The following SUGCT variants were observed in gnomAD, a reference collection of about 807,000 sequenced individuals.
SUGCT encodes the protein succinyl-CoA:glutarate CoA-transferase.
SUGCT carries 41 observed loss-of-function variants against 55.0 expected under a neutral mutation model. That is an observed-to-expected ratio of 0.74 (90% CI 0.58 to 0.97). The LOEUF is 0.97. Ranked by LOEUF, SUGCT falls within the 50% of genes least tolerant of loss-of-function variation. The pLI is 0.00. For synonymous variants in SUGCT, 187 were observed against 200.4 expected, an observed-to-expected ratio of 0.93 and a Z score of 0.56; for missense variants, 568 against 547.8, an observed-to-expected ratio of 1.04 and a Z score of -0.37.
chr7:40,271,083 GT>G (rs1217195002), intron 7 of SUGCT, among the ~76,000 whole-genome samples: 1 of 152,074 alleles, frequency 6.6e-6, no homozygotes. Context: ...AGTTCTAAGA[GT>G]TTTTTAGTGG....
the SUGCT span, among the ~76,000 whole-genome samples, chr7:41,013,915 A>G: frequency 2.0e-5 from 3 of 152,110 alleles, no homozygotes. Flanking sequence ...CAATTTGGGG[A>G]ACCATAACCC....
At chr7:40,598,996 T>G (rs1798161558) in intron 12 of SUGCT, among the ~76,000 whole-genome samples, 1 of 152,212 alleles carries the variant, frequency 6.6e-6, no homozygotes, top group Middle Eastern at 3.2e-3. Context: ...TAATGGTGGC[T>G]GAAGAGTTGG....
chr7:40,279,195 A>G (rs1010321120), intron 8 of SUGCT, among the ~76,000 whole-genome samples: 1 of 152,076 alleles, frequency 6.6e-6, no homozygotes, highest in Non-Finnish European at 1.5e-5. Flanking sequence ...TCAGAATCTT[A>G]CAGTAGTTCC....
intron 12 of SUGCT, among the ~76,000 whole-genome samples, chr7:40,687,054 C>T (rs1042600520): frequency 2.6e-5 from 4 of 152,052 alleles, no homozygotes; most frequent in African/African-American, 4.8e-5. Context: ...ATTTTTTTCC[C>T]ATCTTCTAAG....
chr7:40,188,016 T>A (rs955751271), intron 3 of SUGCT, among the ~76,000 whole-genome samples: 1 of 151,976 alleles, frequency 6.6e-6, no homozygotes, highest in African/African-American at 2.4e-5. Context: ...AATACAAAAA[T>A]TAGCCGGGCA....
At chr7:40,547,625 A>G (rs1795062460) in intron 12 of SUGCT, among the ~76,000 whole-genome samples, 1 of 152,200 alleles carries the variant, frequency 6.6e-6, no homozygotes, top group African/African-American at 2.4e-5. Flanking sequence ...GTAAATGCAT[A>G]CTATAAAAAT....
chr7:40,546,427 T>A (rs1212346101), intron 12 of SUGCT, among the ~76,000 whole-genome samples: 1 of 152,170 alleles, frequency 6.6e-6, no homozygotes, highest in Non-Finnish European at 1.5e-5. Context: ...ATAAAGTAAT[T>A]GATATTGTAA....
chr7:40,843,467 G>A (rs191554406), intron 13 of SUGCT, among the ~76,000 whole-genome samples: 35 of 141,470 alleles, frequency 2.5e-4, no homozygotes, highest in East Asian at 5.2e-4. Context: ...CTGAGATCAC[G>A]CCACTGCACT....
At chr7:40,470,672 G>C (rs1790355838) in intron 11 of SUGCT, among the ~76,000 whole-genome samples, 1 of 151,462 alleles carries the variant, frequency 6.6e-6, no homozygotes, top group Admixed American at 6.6e-5. Flanking sequence ...CGGAATAATT[G>C]CTTATTCTCC....
intron 9 of SUGCT, among the ~76,000 whole-genome samples, chr7:40,392,154 G>C (rs1785469160): frequency 6.6e-6 from 1 of 152,108 alleles, no homozygotes; most frequent in Non-Finnish European, 1.5e-5. Context: ...AGATGGGGGA[G>C]GGATAGAATT....
chr7:40,590,420 T>G (rs1409412242), intron 12 of SUGCT, among the ~76,000 whole-genome samples: 1 of 152,194 alleles, frequency 6.6e-6, no homozygotes, highest in African/African-American at 2.4e-5. Context: ...ACATAGGCCT[T>G]TTATGCCAAA....
chr7:40,832,135 CG>C (rs1348821453), intron 13 of SUGCT, among the ~76,000 whole-genome samples: 2 of 152,038 alleles, frequency 1.3e-5, no homozygotes, highest in Non-Finnish European at 2.9e-5. Context: ...TGTGTGCGTC[CG>C]GGTATCTCTG....
At chr7:40,660,870 C>T (rs943260561) in intron 12 of SUGCT, among the ~76,000 whole-genome samples, 1 of 152,170 alleles carries the variant, frequency 6.6e-6, no homozygotes, top group Non-Finnish European at 1.5e-5. Context: ...GTGCCCTCAC[C>T]TCTCTGTCTA....
intron 1 of SUGCT, among the ~76,000 whole-genome samples, chr7:40,178,550 G>GTT (rs34725239): frequency 6.8e-6 from 1 of 147,894 alleles, no homozygotes; most frequent in African/African-American, 2.5e-5. Flanking sequence ...AATTTTAAGG[G>GTT]TTTTTTTTTT....
chr7:40,448,244 C>T (rs554143571), intron 9 of SUGCT, among the ~76,000 whole-genome samples: 6 of 138,054 alleles, frequency 4.3e-5, no homozygotes, highest in African/African-American at 1.6e-4. Context: ...CTCCCTCCCT[C>T]CCTTCCTTCC....
chr7:40,153,686 C>CTACTTAAT (rs1224969898), intron 1 of SUGCT: 6 of 509,628 alleles, frequency 1.2e-5, no homozygotes, highest in Non-Finnish European at 2.0e-5. Flanking sequence ...AATGTTTTCA[C>CTACTTAAT]GTTATATTCT....
intron 9 of SUGCT, among the ~76,000 whole-genome samples, chr7:40,440,317 G>A (rs987981628): frequency 2.6e-5 from 4 of 151,768 alleles, no homozygotes; most frequent in East Asian, 3.9e-4. Flanking sequence ...GCACCACTAC[G>A]CCTGGCTAAT....
rs149699568 is a variant in SUGCT at position 40,157,887 on chromosome 7, G to A, written c.100+22767G>A. On this transcript the variant is annotated intron_variant, in intron 1 of 13. Coordinates refer to ENST00000335693, the MANE Select transcript of SUGCT (RefSeq NM_001193313.2). ...GTGGCTTGTTTTAAAGGGTTTCCGA[G>A]AGTCAAATTCTACTGCTTCATTAAA... Among the ~76,000 whole-genome samples the A allele has an allele frequency of 3.8e-3, 576 of 152,296 alleles. 2 individuals are homozygous for A. Among genetic ancestry groups the A allele is most frequent in the African/African-American group, 0.013 (551 of 41,568 alleles).
intron 6 of SUGCT, among the ~76,000 whole-genome samples, 171 bp from the exon 7 acceptor site, chr7:40,237,464 G>A (rs1789089425): frequency 6.6e-6 from 1 of 151,912 alleles, no homozygotes; most frequent in African/African-American, 2.4e-5. Flanking sequence ...TGAGTAGCCG[G>A]GGTCGAGCAC....
Sources: gnomAD v4.1 joint callset for allele counts (sites outside exome capture counted in the v4.1 genomes callset) on GRCh38, gnomAD v4.1.1 for gene constraint, MANE v1.5 for transcripts, NCBI Gene and HGNC (gene_info 2026-07-23, HGNC 2026-07-21) for gene names.